Variants in PLXNA4 observed in about 807,000 individuals in gnomAD.
PLXNA4 encodes the protein plexin A4.
PLXNA4 carries 44 observed loss-of-function variants against 191.8 expected under a neutral mutation model. That is an observed-to-expected ratio of 0.23 (90% CI 0.18 to 0.29). PLXNA4 has a LOEUF of 0.29. Among genes scored for constraint, PLXNA4 ranks in the 10% least tolerant of loss-of-function variants. PLXNA4 has a pLI of 1.00. For synonymous variants in PLXNA4, 1,082 were observed against 1,009.5 expected, an observed-to-expected ratio of 1.07 and a Z score of -1.36; for missense variants, 1,800 against 2,488.8, an observed-to-expected ratio of 0.72 and a Z score of 5.89.
intron 3 of PLXNA4, among the ~76,000 whole-genome samples, chr7:132,419,370 A>T (rs1794771931): frequency 6.6e-6 from 1 of 152,196 alleles, no homozygotes; most frequent in African/African-American, 2.4e-5. Flanking sequence ...CCTGCATCCA[A>T]ATTTCATCCC....
At chr7:132,504,685 C>A (rs958355868) in intron 2 of PLXNA4, among the ~76,000 whole-genome samples, 1 of 152,222 alleles carries the variant, frequency 6.6e-6, no homozygotes, top group African/African-American at 2.4e-5. Context: ...CTTCCTACAA[C>A]AGAAACACCA....
intron 31 of PLXNA4, among the ~76,000 whole-genome samples, chr7:132,132,417 GTT>G (rs1436668172): frequency 1.7e-4 from 10 of 57,860 alleles, no homozygotes; most frequent in African/African-American, 3.1e-4. Context: ...GTTCTGTTCT[GTT>G]CTGTTCTGTT....
intron 3 of PLXNA4, among the ~76,000 whole-genome samples, chr7:132,417,273 T>C (rs74812523): frequency 0.028 from 4,252 of 152,248 alleles, 248 homozygotes; most frequent in East Asian, 0.27. Flanking sequence ...CTGGACATTC[T>C]TGGGCATCTC....
chr7:132,307,191 C>T (rs1178152843), intron 3 of PLXNA4, among the ~76,000 whole-genome samples: 1 of 152,144 alleles, frequency 6.6e-6, no homozygotes, highest in African/African-American at 2.4e-5. Flanking sequence ...TAAGACTGCA[C>T]TCATAGAAGC....
intron 2 of PLXNA4, among the ~76,000 whole-genome samples, chr7:132,635,537 A>C (rs1397750876): frequency 6.6e-6 from 1 of 152,172 alleles, no homozygotes; most frequent in Non-Finnish European, 1.5e-5. Flanking sequence ...AGCAATTAGA[A>C]GGAAAAAACA....
chr7:132,153,013 G>A (rs1795690625), intron 25 of PLXNA4, among the ~76,000 whole-genome samples: 1 of 152,228 alleles, frequency 6.6e-6, no homozygotes, highest in Admixed American at 6.5e-5. Flanking sequence ...TAGTTAAACA[G>A]GGAAACGGGA....
chr7:132,162,910 G>A (rs1167622058), intron 24 of PLXNA4, among the ~76,000 whole-genome samples: 1 of 152,134 alleles, frequency 6.6e-6, no homozygotes, highest in Non-Finnish European at 1.5e-5. Flanking sequence ...CTAGCCACAG[G>A]CTCTGGAATT....
chr7:132,350,233 G>A (rs1444330979), intron 3 of PLXNA4, among the ~76,000 whole-genome samples: 1 of 152,194 alleles, frequency 6.6e-6, no homozygotes, highest in Non-Finnish European at 1.5e-5. Context: ...GCCAGGTGCG[G>A]TGGCTCACAC....
chr7:132,582,897 T>C (rs1802431810), intron 2 of PLXNA4, among the ~76,000 whole-genome samples: 2 of 152,176 alleles, frequency 1.3e-5, no homozygotes, highest in Middle Eastern at 3.2e-3. Context: ...TGATGCATGA[T>C]AGTCTCATAC....
In PLXNA4 at chr7:132,433,116, T is replaced by C. The variant is rs1795333567; in HGVS notation, c.1371+56176A>G. Among the ~76,000 whole-genome samples, 5 of 152,302 alleles carry C rather than the reference T, an allele frequency of 3.3e-5. No homozygotes were observed. In the South Asian group the frequency reaches 8.3e-4, roughly 25 times the overall value. On this transcript the variant is annotated intron_variant, in intron 3 of 31. Coordinates refer to ENST00000321063, the MANE Select transcript of PLXNA4 (RefSeq NM_020911.2). ...GACTAGACTAAAGCACTTGACTGCG[T>C]TGGAAAACTTAGGAGCCATATTTAA...
intron 2 of PLXNA4, among the ~76,000 whole-genome samples, chr7:132,611,727 A>G (rs1486513219): frequency 2.0e-5 from 3 of 152,254 alleles, no homozygotes; most frequent in Non-Finnish European, 4.4e-5. Flanking sequence ...AGAGGAGTCC[A>G]GATACCTGTA....
At position 132,568,258 on chromosome 7, in the gene PLXNA4, C is replaced by T. The variant is rs190307728; in HGVS notation, c.-87+8164G>A. 3.9e-5 allele frequency among the ~76,000 whole-genome samples: 6 copies of T among 152,272 alleles called. No individual in the cohort carries two copies. In the East Asian group the frequency reaches 1.2e-3, roughly 29 times the overall value. The stretch of plus-strand genomic sequence containing the variant: ...CCTGCTTCCCAGCAGCCGTGCCATC[C>T]CTGAAATAGTCACACACCACTATGC... On this transcript the variant is annotated intron_variant, in intron 1 of 31. Transcript: ENST00000321063.
chr7:132,547,320 G>A (rs1476060757), intron 1 of PLXNA4, among the ~76,000 whole-genome samples: 1 of 152,120 alleles, frequency 6.6e-6, no homozygotes, highest in African/African-American at 2.4e-5. Flanking sequence ...ACAAACTGGT[G>A]GGATGTGAAT....
intron 2 of PLXNA4, among the ~76,000 whole-genome samples, chr7:132,590,601 AG>A (rs1176402981): frequency 2.0e-5 from 3 of 152,174 alleles, no homozygotes; most frequent in Non-Finnish European, 4.4e-5. Flanking sequence ...AGAAAGATGT[AG>A]GCCAGAAGAC....
intron 3 of PLXNA4, among the ~76,000 whole-genome samples, chr7:132,301,471 T>C (rs2116520700): frequency 7.4e-6 from 1 of 135,864 alleles, no homozygotes; most frequent in East Asian, 2.2e-4. Flanking sequence ...ATTGTCCCCC[T>C]TTATAGGTGT....
chr7:132,281,848 T>G (rs1369600374), intron 4 of PLXNA4, among the ~76,000 whole-genome samples: 1 of 152,240 alleles, frequency 6.6e-6, no homozygotes, highest in African/African-American at 2.4e-5. Flanking sequence ...ACCTCTGTGT[T>G]GTACAAAAAA....
chr7:132,486,454 T>C (rs1797560089), intron 3 of PLXNA4, among the ~76,000 whole-genome samples: 1 of 152,224 alleles, frequency 6.6e-6, no homozygotes, highest in Non-Finnish European at 1.5e-5. Context: ...AGCCTTCCTT[T>C]CCCAACTCAG....
intron 3 of PLXNA4, among the ~76,000 whole-genome samples, chr7:132,444,758 C>T (rs1795832118): frequency 6.6e-6 from 1 of 152,136 alleles, no homozygotes; most frequent in African/African-American, 2.4e-5. Context: ...CCACTTTCCC[C>T]ACACCTGAGT....
chr7:132,555,057 C>CAA (rs1329396023), intron 1 of PLXNA4, among the ~76,000 whole-genome samples: 4 of 131,958 alleles, frequency 3.0e-5, no homozygotes, highest in African/African-American at 1.3e-4. Context: ...AAAAAAAAAA[C>CAA]AAAAAAAAAA....
Sources: allele counts gnomAD v4.1 joint callset (sites outside exome capture counted in the v4.1 genomes callset), GRCh38; gene constraint gnomAD v4.1.1; transcripts MANE v1.5; gene names NCBI Gene and HGNC (gene_info 2026-07-23, HGNC 2026-07-21).